PSD3: variants seen among roughly 807,000 people sequenced by gnomAD.
PSD3 encodes the protein PH and SEC7 domain-containing protein 3.
A neutral mutation model predicts 105.5 loss-of-function variants in PSD3; 49 were observed. The ratio of observed to expected loss-of-function variants is 0.46; its 90% CI spans 0.37 to 0.59. The LOEUF is 0.59. Among genes scored for constraint, PSD3 ranks in the 20% least tolerant of loss-of-function variants. The probability of loss-of-function intolerance (pLI) is 0.00; values close to 1 mark genes in which losing one functional copy is unlikely to be tolerated. For synonymous variants in PSD3, 557 were observed against 457.8 expected (o/e 1.22, Z -2.77); for missense variants, 1,561 against 1,263.8 (o/e 1.24, Z -3.57).
intron 13 of PSD3, among the ~76,000 whole-genome samples, chr8:18,574,013 A>G (rs1166419016): frequency 6.6e-6 from 1 of 152,236 alleles, no homozygotes; most frequent in Non-Finnish European, 1.5e-5. Context: ...TGATGTGATC[A>G]TATTTTTAAT....
At chr8:18,904,647 A>C (rs1056137426) in intron 2 of PSD3, among the ~76,000 whole-genome samples, 1 of 152,256 alleles carries the variant, frequency 6.6e-6, no homozygotes, top group Non-Finnish European at 1.5e-5. Context: ...TAAAAATTTT[A>C]AGTACATCTT....
At position 18,932,059 on chromosome 8, in the gene PSD3, A is replaced by C. The variant is rs114066052; in HGVS notation, c.130+3975T>G. On this transcript the variant is annotated intron_variant, in intron 2 of 15. Coordinates refer to ENST00000327040, the MANE Select transcript of PSD3 (RefSeq NM_015310.4). ...GACTTCTACTATTTCTTCCAACATA[A>C]AGATTCTGCTACTTTAATACATAAG... 2.9e-3 allele frequency among the ~76,000 whole-genome samples: 436 copies of C among 152,286 alleles called. 1 individual carries two copies. The highest frequency in any genetic ancestry group is 1.0e-2 in the African/African-American group (414 of 41,564).
intron 1 of PSD3, among the ~76,000 whole-genome samples, chr8:19,019,756 C>A (rs1268355201): frequency 1.3e-5 from 2 of 152,204 alleles, no homozygotes; most frequent in Non-Finnish European, 2.9e-5. Flanking sequence ...GAGAATACGT[C>A]TGACACAAAA....
Position 18,930,425 on chromosome 8 carries a change from C to G in PSD3, c.130+5609G>C, listed in dbSNP as rs531081073. Among the ~76,000 whole-genome samples the G allele has an allele frequency of 2.6e-5, 4 of 152,290 alleles. No homozygotes were observed. The South Asian group carries it at 6.2e-4, about 24-fold the overall frequency. On this transcript the variant is annotated intron_variant, in intron 2 of 15. Coordinates refer to ENST00000327040, the MANE Select transcript of PSD3 (RefSeq NM_015310.4). The stretch of plus-strand genomic sequence containing the variant: ...TTCCTAATCTGCTTAATTTCCCAAA[C>G]AGTGAAACCGGAGGACAGGCCATGA...
intron 11 of PSD3, among the ~76,000 whole-genome samples, chr8:18,623,202 C>T (rs981544063): frequency 2.7e-5 from 4 of 149,504 alleles, no homozygotes; most frequent in African/African-American, 7.5e-5. Flanking sequence ...TCTGTCGCTA[C>T]GGATTTTTGT....
At chr8:18,652,718 G>C (rs1028141831) in intron 10 of PSD3, among the ~76,000 whole-genome samples, 2 of 151,824 alleles carry the variant, frequency 1.3e-5, no homozygotes, top group Non-Finnish European at 2.9e-5. Flanking sequence ...GGCTGGTCTC[G>C]AACTCCTGAC....
intron 1 of PSD3, among the ~76,000 whole-genome samples, chr8:19,037,234 G>T (rs1365033649): frequency 6.6e-6 from 1 of 152,250 alleles, no homozygotes. Context: ...AGAAAGGTCT[G>T]CTTGCAAGAT....
intron 1 of PSD3, among the ~76,000 whole-genome samples, chr8:18,961,147 G>A (rs931222823): frequency 3.3e-5 from 5 of 152,058 alleles, no homozygotes; most frequent in African/African-American, 1.2e-4. Context: ...CAACTAGACA[G>A]TTTACTACTC....
At chr8:19,033,390 T>G (rs947485556) in intron 1 of PSD3, among the ~76,000 whole-genome samples, 3 of 152,196 alleles carry the variant, frequency 2.0e-5, no homozygotes, top group African/African-American at 4.8e-5. Flanking sequence ...ATTTTTCTTT[T>G]GTCTTTTACT....
chr8:19,079,346 A>G (rs1829567300), intron 1 of PSD3, among the ~76,000 whole-genome samples: 1 of 152,206 alleles, frequency 6.6e-6, no homozygotes, highest in Non-Finnish European at 1.5e-5. Context: ...ATTCTTTTAA[A>G]ATGGATGTTT....
At chr8:18,728,822 CT>C (rs1803518459) in intron 9 of PSD3, among the ~76,000 whole-genome samples, 1 of 150,040 alleles carries the variant, frequency 6.7e-6, no homozygotes, top group African/African-American at 2.5e-5. Flanking sequence ...AAATATAAAA[CT>C]TTTGAAAAAA....
intron 11 of PSD3, among the ~76,000 whole-genome samples, chr8:18,618,792 C>T (rs993116229): frequency 6.6e-6 from 1 of 152,050 alleles, no homozygotes; most frequent in Non-Finnish European, 1.5e-5. Flanking sequence ...GCAATCCTCC[C>T]ACCTTAGCCC....
intron 1 of PSD3, among the ~76,000 whole-genome samples, chr8:19,002,104 C>T (rs747296955): frequency 2.0e-4 from 30 of 152,002 alleles, no homozygotes; most frequent in Non-Finnish European, 3.7e-4. Context: ...TGCCTTAGGA[C>T]ACAGAAAAGG....
chr8:18,665,086 G>A (rs1024380170), intron 9 of PSD3, among the ~76,000 whole-genome samples: 3 of 152,168 alleles, frequency 2.0e-5, no homozygotes, highest in Admixed American at 6.6e-5. Context: ...CATCCATTCC[G>A]TAGACCATGG....
upstream of PSD3, among the ~76,000 whole-genome samples, chr8:19,015,467 A>G (rs1233834214): frequency 1.3e-5 from 2 of 152,156 alleles, no homozygotes; most frequent in African/African-American, 4.8e-5. Flanking sequence ...CAGTGTGCCT[A>G]TTCCCAGTCA....
chr8:18,923,137 G>C (rs1320830581), intron 2 of PSD3, among the ~76,000 whole-genome samples: 1 of 152,100 alleles, frequency 6.6e-6, no homozygotes, highest in African/African-American at 2.4e-5. Context: ...CACACTGGAA[G>C]AACTGTCTTG....
chr8:18,928,304 T>C (rs1246146516), intron 2 of PSD3, among the ~76,000 whole-genome samples: 1 of 152,216 alleles, frequency 6.6e-6, no homozygotes, highest in African/African-American at 2.4e-5. Flanking sequence ...CCAGCTGCCA[T>C]GTAAGACATC....
intron 9 of PSD3, among the ~76,000 whole-genome samples, chr8:18,666,989 G>A (rs976776560): frequency 6.6e-6 from 1 of 152,128 alleles, no homozygotes; most frequent in African/African-American, 2.4e-5. Flanking sequence ...GTGGGTTCAT[G>A]GTCTTGCTGG....
intron 2 of PSD3, among the ~76,000 whole-genome samples, chr8:18,919,423 G>GA (rs1250796913): frequency 2.7e-4 from 41 of 152,162 alleles, no homozygotes; most frequent in African/African-American, 9.9e-4. Context: ...AGCCATCCAA[G>GA]GACTACCTGA....
Sources: gnomAD v4.1 joint callset for allele counts (sites outside exome capture counted in the v4.1 genomes callset) on GRCh38, gnomAD v4.1.1 for gene constraint, MANE v1.5 for transcripts, NCBI Gene and HGNC (gene_info 2026-07-23, HGNC 2026-07-21) for gene names.